The following CTBP2 variants were observed in gnomAD, a reference collection of about 807,000 sequenced individuals.
CTBP2 encodes the protein C-terminal-binding protein 2.
A neutral mutation model predicts 80.3 loss-of-function variants in CTBP2; 30 were observed. The ratio of observed to expected loss-of-function variants is 0.37; its 90% confidence interval spans 0.28 to 0.51. CTBP2 has a LOEUF of 0.51. Among genes scored for constraint, CTBP2 ranks in the 20% least tolerant of loss-of-function variants. CTBP2 has a pLI of 0.93. For missense variants in CTBP2, 1,212 were observed against 1,375.3 expected, an observed-to-expected ratio of 0.88 and a Z score of 1.88; for synonymous variants, 594 against 587.4, an observed-to-expected ratio of 1.01 and a Z score of -0.16.
chr10:125,086,430 C>T (rs891259249), intron 2 of CTBP2, among the ~76,000 whole-genome samples: 5 of 151,948 alleles, frequency 3.3e-5, no homozygotes, highest in African/African-American at 1.2e-4. Context: ...GTAATCTCAG[C>T]TACCCGGGAG....
At chr10:125,062,089 C>G (rs73377222) in intron 2 of CTBP2, among the ~76,000 whole-genome samples, 2,870 of 152,134 alleles carry the variant, frequency 0.019, 81 homozygotes, top group African/African-American at 0.065. Flanking sequence ...ATTGCTAAAC[C>G]GAGAGGGCCC....
intron 1 of CTBP2, among the ~76,000 whole-genome samples, chr10:125,142,923 C>A (rs1207592999): frequency 6.6e-6 from 1 of 152,172 alleles, no homozygotes; most frequent in Non-Finnish European, 1.5e-5. Context: ...GTGGCCAGGA[C>A]ATGGGAGCTG....
chr10:125,095,139 C>G (rs1218775169), intron 2 of CTBP2, among the ~76,000 whole-genome samples: 3 of 152,138 alleles, frequency 2.0e-5, no homozygotes, highest in African/African-American at 7.2e-5. Context: ...GGTCTCTCAA[C>G]ACACTCACAA....
intron 1 of CTBP2, among the ~76,000 whole-genome samples, chr10:125,139,663 C>G (rs971909334): frequency 6.6e-6 from 1 of 152,168 alleles, no homozygotes; most frequent in African/African-American, 2.4e-5. Flanking sequence ...GGGCTCTCAA[C>G]TCACTTCCCT....
At chr10:125,051,659 CAAA>C (rs11335150) in intron 2 of CTBP2, among the ~76,000 whole-genome samples, 262 of 139,480 alleles carry the variant, frequency 1.9e-3, no homozygotes, top group Non-Finnish European at 3.1e-3. Flanking sequence ...ACCAACCAAC[CAAA>C]AAAAAAAAAA....
chr10:125,026,539 G>A lies in CTBP2; in HGVS notation c.1221C>T (p.Ser407=). 1 of 1,583,062 alleles carries A rather than the reference G, an allele frequency of 6.3e-7. No homozygotes were observed. Among genetic ancestry groups the A allele is most frequent in the Non-Finnish European group, 8.6e-7 (1 of 1,165,272 alleles). Reference sequence around the variant, plus strand: ...CCAGGAGGTGCTGAGATGGTGCGCTGGAGGGACGGCGAGCCGGGTCTCCAG... The same window carrying A: ...CCAGGAGGTGCTGAGATGGTGCGCTAGAGGGACGGCGAGCCGGGTCTCCAG... Residue 407 remains serine, a synonymous_variant, in exon 1 of 9, where the codon TCC becomes TCT. Coordinates refer to ENST00000309035, the MANE Select transcript of CTBP2 (RefSeq NM_022802.3).
chr10:125,141,116 C>CTGGG (rs1042612049), intron 1 of CTBP2, among the ~76,000 whole-genome samples: 6 of 151,072 alleles, frequency 4.0e-5, no homozygotes, highest in African/African-American at 1.5e-4. Flanking sequence ...GCACTCCAGC[C>CTGGG]TGGGTAACAG....
chr10:125,004,488 C>T (rs1253251331), intron 1 of CTBP2, among the ~76,000 whole-genome samples: 3 of 152,176 alleles, frequency 2.0e-5, no homozygotes, highest in Non-Finnish European at 4.4e-5. Flanking sequence ...CCTTGGATTT[C>T]GTAGGTCCTC....
intron 2 of CTBP2, among the ~76,000 whole-genome samples, chr10:125,067,034 C>A (rs894456400): frequency 6.6e-6 from 1 of 152,198 alleles, no homozygotes; most frequent in African/African-American, 2.4e-5. Flanking sequence ...GACAACCAGA[C>A]ACCCCCCACG....
At chr10:125,028,599 A>C (rs1957887479), upstream of CTBP2, among the ~76,000 whole-genome samples, 1 of 152,230 alleles carries the variant, frequency 6.6e-6, no homozygotes, top group Non-Finnish European at 1.5e-5. Flanking sequence ...TCTTTACCTT[A>C]TTACTGTGAA....
chr10:125,119,571 G>A (rs925677983), intron 1 of CTBP2, among the ~76,000 whole-genome samples: 1 of 152,110 alleles, frequency 6.6e-6, no homozygotes, highest in African/African-American at 2.4e-5. Context: ...TAGGTCAAAT[G>A]GAAAATAAAC....
chr10:125,039,746 G>A (rs1351366082), intron 2 of CTBP2, among the ~76,000 whole-genome samples: 5 of 152,322 alleles, frequency 3.3e-5, no homozygotes, highest in African/African-American at 7.2e-5. Context: ...CTCCGATGCC[G>A]CCTTCCTGAA....
intron 2 of CTBP2, among the ~76,000 whole-genome samples, chr10:125,098,706 GAC>G (rs1564914138): frequency 0.026 from 2,968 of 116,166 alleles, 46 homozygotes; most frequent in Middle Eastern, 0.05. Flanking sequence ...GAGAGAGAGA[GAC>G]AGAGAGAGAG....
intron 3 of CTBP2, 79 bp downstream of exon 3, chr10:125,038,918 C>G: frequency 1.4e-6 from 2 of 1,429,350 alleles, no homozygotes; most frequent in Non-Finnish European, 1.9e-6. Flanking sequence ...AGTGGCACAG[C>G]CAACTCAAGG....
At chr10:125,101,792 C>T (rs768215749) in intron 2 of CTBP2, among the ~76,000 whole-genome samples, 20 of 152,212 alleles carry the variant, frequency 1.3e-4, no homozygotes, top group Non-Finnish European at 2.1e-4. Flanking sequence ...CAGGGCATCT[C>T]CCACATGCTA....
chr10:125,131,720 C>T (rs575042897), intron 1 of CTBP2, among the ~76,000 whole-genome samples: 27 of 152,344 alleles, frequency 1.8e-4, no homozygotes, highest in African/African-American at 6.5e-4. Flanking sequence ...TAATGGGCAA[C>T]TCTGCTCCAC....
chr10:125,037,736 C>T (rs1294489096), intron 3 of CTBP2, among the ~76,000 whole-genome samples: 1 of 152,196 alleles, frequency 6.6e-6, no homozygotes, highest in Non-Finnish European at 1.5e-5. Flanking sequence ...GGTTAGATTC[C>T]TGGGGTTCAT....
intron 2 of CTBP2, among the ~76,000 whole-genome samples, chr10:125,091,060 A>G (rs560839896): frequency 8.5e-5 from 13 of 152,368 alleles, no homozygotes; most frequent in African/African-American, 2.4e-4. Flanking sequence ...TGGTTCTGCC[A>G]AAAGAGACAA....
intron 1 of CTBP2, among the ~76,000 whole-genome samples, chr10:125,117,147 T>TC (rs1010629624): frequency 6.6e-6 from 1 of 151,952 alleles, no homozygotes; most frequent in African/African-American, 2.4e-5. Context: ...TCCCTGGCCT[T>TC]CCCAACCCTC....
Sources: allele counts gnomAD v4.1 joint callset (sites outside exome capture counted in the v4.1 genomes callset), GRCh38; gene constraint gnomAD v4.1.1; transcripts MANE v1.5; gene names NCBI Gene and HGNC (gene_info 2026-07-23, HGNC 2026-07-21).